Variants in ARHGEF26 observed in about 807,000 individuals in gnomAD.
ARHGEF26 encodes the protein Rho guanine nucleotide exchange factor 26.
ARHGEF26 carries 59 observed loss-of-function variants against 89.4 expected under a neutral mutation model. That is an observed-to-expected ratio of 0.66 (90% CI 0.54 to 0.82). The LOEUF is 0.82. Among genes scored for constraint, ARHGEF26 ranks in the 40% least tolerant of loss-of-function variants. ARHGEF26 has a pLI of 0.00. For synonymous variants in ARHGEF26, 500 were observed against 428.4 expected (o/e 1.17, Z -2.06); for missense variants, 1,234 against 1,085.6 (o/e 1.14, Z -1.92).
intron 14 of ARHGEF26, 81 bp from the exon 15 acceptor site, chr3:154,255,250 C>A: frequency 6.9e-7 from 1 of 1,443,916 alleles, no homozygotes; most frequent in Admixed American, 2.0e-5. Flanking sequence ...AGGGATGCTG[C>A]CTCTCAGCTT....
At chr3:154,157,293 G>A (rs1404381313) in intron 6 of ARHGEF26, among the ~76,000 whole-genome samples, 6 of 152,086 alleles carry the variant, frequency 3.9e-5, no homozygotes, top group African/African-American at 4.8e-5. Flanking sequence ...GGTAGTTGGC[G>A]AACACCTCCA....
chr3:154,242,833 A>C (rs891566828), intron 12 of ARHGEF26, among the ~76,000 whole-genome samples: 3 of 151,240 alleles, frequency 2.0e-5, no homozygotes, highest in African/African-American at 7.3e-5. Context: ...AAAAAAAGGG[A>C]GCTTCATCTT....
At chr3:154,218,157 C>G (rs1715899756) in intron 10 of ARHGEF26, among the ~76,000 whole-genome samples, 199 bp downstream of exon 10, 1 of 152,072 alleles carries the variant, frequency 6.6e-6, no homozygotes, top group Non-Finnish European at 1.5e-5. Flanking sequence ...GCCCTGAAGC[C>G]AGGCATTATC....
chr3:154,144,585 T>C (rs1316213941), intron 4 of ARHGEF26, among the ~76,000 whole-genome samples: 2 of 152,228 alleles, frequency 1.3e-5, no homozygotes, highest in Non-Finnish European at 1.5e-5. Context: ...TAATTACTTA[T>C]CTGTAGTTTG....
At chr3:154,137,744 A>C (rs1313418133) in intron 4 of ARHGEF26, among the ~76,000 whole-genome samples, 1 of 151,250 alleles carries the variant, frequency 6.6e-6, no homozygotes, top group Non-Finnish European at 1.5e-5. Flanking sequence ...TGGAAGGCTG[A>C]GGCAGGAGGA....
intron 6 of ARHGEF26, among the ~76,000 whole-genome samples, chr3:154,174,436 A>G (rs576674283): frequency 8.7e-4 from 132 of 152,360 alleles, no homozygotes; most frequent in African/African-American, 3.1e-3. Flanking sequence ...GCTTGATACA[A>G]TGGCTGGGGC....
chr3:154,156,777 G>A (rs1713811), intron 6 of ARHGEF26, among the ~76,000 whole-genome samples: 138,300 of 152,240 alleles, frequency 0.91, 63,042 homozygotes, highest in East Asian at 1. Flanking sequence ...GAAAGAGTTT[G>A]CAGTCCCAAG....
intron 12 of ARHGEF26, 101 bp from the exon 13 acceptor site, chr3:154,253,015 T>G: frequency 7.7e-7 from 1 of 1,306,376 alleles, no homozygotes; most frequent in Non-Finnish European, 1.1e-6. Context: ...CTAGAGAATC[T>G]CTTGTTTTCT....
Position 154,122,978 on chromosome 3 carries a change from G to C in ARHGEF26, c.986G>C (p.Ser329Thr). 1.2e-6 allele frequency: 2 copies of C among 1,613,836 alleles called. No individual in the cohort carries two copies. The highest frequency in any genetic ancestry group is 1.7e-6 in the Non-Finnish European group (2 of 1,179,838). ...GTGGTCAGTGGCTTTGATTTTGACA[G>C]TCCTACCAGCTCGAAGAAGAAGAAC... ...RAVVSGFDFD[S>T]PTSSKKKNRM... The change falls in exon 2 of 15, where the codon AGT (serine) becomes ACT (threonine). Residue 329 changes from serine to threonine, a missense_variant. Coordinates refer to ENST00000465093, the MANE Select transcript of ARHGEF26 (RefSeq NM_015595.4).
At chr3:154,251,713 G>A (rs973357955) in intron 12 of ARHGEF26, among the ~76,000 whole-genome samples, 1 of 152,146 alleles carries the variant, frequency 6.6e-6, no homozygotes, top group Non-Finnish European at 1.5e-5. Flanking sequence ...GATATATGTT[G>A]AGCAAAAGAA....
At chr3:154,193,842 G>GT (rs149514592) in intron 8 of ARHGEF26, among the ~76,000 whole-genome samples, 28,899 of 149,930 alleles carry the variant, frequency 0.19, 3,083 homozygotes, top group South Asian at 0.37. Context: ...GTTTTTTTGG[G>GT]TTTTTTTTTG....
At chr3:154,134,946 A>T (rs536799147) in intron 4 of ARHGEF26, among the ~76,000 whole-genome samples, 2 of 152,114 alleles carry the variant, frequency 1.3e-5, no homozygotes, top group Non-Finnish European at 2.9e-5. Flanking sequence ...ATCATGGTGG[A>T]TAAGCTTTTT....
intron 9 of ARHGEF26, among the ~76,000 whole-genome samples, chr3:154,208,105 G>A (rs1405753533): frequency 6.6e-6 from 1 of 152,152 alleles, no homozygotes; most frequent in Non-Finnish European, 1.5e-5. Context: ...GATGGTGGGT[G>A]GGAGGAGGGA....
intron 9 of ARHGEF26, among the ~76,000 whole-genome samples, chr3:154,198,479 A>C (rs1444121599): frequency 2.0e-5 from 3 of 152,212 alleles, no homozygotes; most frequent in Non-Finnish European, 2.9e-5. Context: ...AACTAATCCA[A>C]ATGTCCATCA....
chr3:154,184,020 T>TAG (rs1375142099), intron 6 of ARHGEF26, among the ~76,000 whole-genome samples: 1 of 150,152 alleles, frequency 6.7e-6, no homozygotes, highest in African/African-American at 2.4e-5. Flanking sequence ...TCGCCCAGGC[T>TAG]AGAGTGCAGT....
chr3:154,161,250 A>G (rs1408283241), intron 6 of ARHGEF26, among the ~76,000 whole-genome samples: 1 of 152,084 alleles, frequency 6.6e-6, no homozygotes, highest in Non-Finnish European at 1.5e-5. Flanking sequence ...TATTATTAAC[A>G]TCATTATTAG....
intron 12 of ARHGEF26, among the ~76,000 whole-genome samples, chr3:154,241,011 A>G (rs74880366): frequency 3.0e-4 from 46 of 152,308 alleles, no homozygotes; most frequent in East Asian, 9.7e-4. Context: ...AGAAAGCCCA[A>G]TGATTTCTGT....
At position 154,203,398 on chromosome 3, in the gene ARHGEF26, A is replaced by G. The variant is rs558062136; in HGVS notation, c.1845+8680A>G. ...TTTGATGTGCTGCTGGATTCGGGTT[A>G]CCAGTATTTTATTGAGATCTTATCA... On this transcript the variant is annotated intron_variant, in intron 9 of 14. Transcript: ENST00000465093. Among the ~76,000 whole-genome samples the G allele has an allele frequency of 5.5e-4, 84 of 152,116 alleles. 2 individuals are homozygous for G. The South Asian group carries it at 0.017, about 30-fold the overall frequency.
At chr3:154,148,154 C>T (rs1179570520) in intron 4 of ARHGEF26, among the ~76,000 whole-genome samples, 4 of 152,218 alleles carry the variant, frequency 2.6e-5, no homozygotes, top group African/African-American at 7.2e-5. Flanking sequence ...GACAGAAGCA[C>T]AGGCCCAGGA....
Sources: allele counts gnomAD v4.1 joint callset (sites outside exome capture counted in the v4.1 genomes callset), GRCh38; gene constraint gnomAD v4.1.1; transcripts MANE v1.5; gene names NCBI Gene and HGNC (gene_info 2026-07-23, HGNC 2026-07-21).